IL1RAPL1: variants seen among roughly 807,000 people sequenced by gnomAD.
IL1RAPL1 encodes interleukin-1 receptor accessory protein-like 1.
IL1RAPL1 carries 3 observed loss-of-function variants against 48.4 expected under a neutral mutation model. That is an observed-to-expected ratio of 0.06 (90% CI 0.03 to 0.16). IL1RAPL1 has a LOEUF of 0.16. Among genes scored for constraint, IL1RAPL1 ranks in the 10% least tolerant of loss-of-function variants. The pLI, the probability that IL1RAPL1 is intolerant of heterozygous loss-of-function variation, is 1.00. For synonymous variants in IL1RAPL1, 185 were observed against 187.7 expected, an observed-to-expected ratio of 0.99 and a Z score of 0.12; for missense variants, 349 against 530.6, an observed-to-expected ratio of 0.66 and a Z score of 3.36.
intron 3 of IL1RAPL1, among the ~76,000 whole-genome samples, chrX:29,311,392 T>C (rs1225832493): frequency 8.9e-6 from 1 of 111,968 alleles, no homozygotes; most frequent in African/African-American, 3.2e-5. Flanking sequence ...TACCAGGGCT[T>C]TCCAAAGATC....
intron 6 of IL1RAPL1, among the ~76,000 whole-genome samples, chrX:29,796,906 G>A (rs762963262): frequency 1.8e-5 from 2 of 112,326 alleles, no homozygotes; most frequent in Non-Finnish European, 3.8e-5. Context: ...AGGCTTAGGA[G>A]CTTTGCACTC....
At chrX:29,745,343 A>G (rs1928303088) in intron 6 of IL1RAPL1, among the ~76,000 whole-genome samples, 1 of 109,594 alleles carries the variant, frequency 9.1e-6, no homozygotes, top group African/African-American at 3.3e-5. Context: ...AGTACCTGAC[A>G]GTAATAAAAT....
At chrX:28,706,750 A>G (rs927527718) in intron 1 of IL1RAPL1, among the ~76,000 whole-genome samples, 3 of 111,538 alleles carry the variant, frequency 2.7e-5, no homozygotes. Context: ...CCCCATCAGT[A>G]AGCAACATGT....
chrX:29,332,066 AATT>A (rs938480201), intron 3 of IL1RAPL1, among the ~76,000 whole-genome samples: 7 of 92,902 alleles, frequency 7.5e-5, no homozygotes, highest in African/African-American at 2.7e-4. Context: ...AAATGTCACA[AATT>A]ATTTTTGAAA....
chrX:29,717,275 A>G (rs932706714), intron 6 of IL1RAPL1, among the ~76,000 whole-genome samples: 6 of 109,998 alleles, frequency 5.5e-5, no homozygotes, highest in Non-Finnish European at 9.5e-5. Flanking sequence ...TCCTTGCAGT[A>G]AAGTCTGTCC....
intron 3 of IL1RAPL1, among the ~76,000 whole-genome samples, chrX:29,317,705 G>A (rs1236410233): frequency 8.9e-6 from 1 of 112,241 alleles, no homozygotes; most frequent in African/African-American, 3.2e-5. Context: ...TATGTCTTCT[G>A]GGAAGGTGGA....
At chrX:28,649,747 T>C (rs1279334153) in intron 1 of IL1RAPL1, among the ~76,000 whole-genome samples, 1 of 112,128 alleles carries the variant, frequency 8.9e-6, no homozygotes, top group Non-Finnish European at 1.9e-5. Context: ...TGGTGTTGAG[T>C]CACTTCAGGG....
intron 2 of IL1RAPL1, among the ~76,000 whole-genome samples, chrX:28,801,649 G>A (rs764380388): frequency 3.0e-4 from 33 of 111,530 alleles, no homozygotes; most frequent in Non-Finnish European, 3.8e-4. Flanking sequence ...AATCTGATGA[G>A]TATTATATTA....
At chrX:29,374,740 C>CA in intron 3 of IL1RAPL1, among the ~76,000 whole-genome samples, 1 of 109,094 alleles carries the variant, frequency 9.2e-6, no homozygotes. Flanking sequence ...GGGGTACCTA[C>CA]AGGGTTCTGC....
chrX:29,094,531 G>C (rs1928161733), intron 2 of IL1RAPL1, among the ~76,000 whole-genome samples: 1 of 103,988 alleles, frequency 9.6e-6, no homozygotes, highest in Non-Finnish European at 2.0e-5. Flanking sequence ...GCTGAGGTGG[G>C]TGGATCAACT....
In IL1RAPL1 at chrX:29,081,016, CTCTCTTTCT is replaced by C. The variant is rs1164890101; in HGVS notation, c.83-201920_83-201912del. On this transcript the variant is annotated intron_variant, in intron 2 of 10. Transcript: ENST00000378993. ...TCTTTCTCTCTCTCTCTCTCTCTCTCTCTCTTTCTTTTCTTTTCTTTTCTTTTCTTTTCT... is the reference window on the plus strand; with the variant it reads ...TCTTTCTCTCTCTCTCTCTCTCTCTCTTTCTTTTCTTTTCTTTTCTTTTCT... 7.5e-3 allele frequency among the ~76,000 whole-genome samples: 408 copies of C among 54,346 alleles called. 5 individuals carry two copies. Among genetic ancestry groups the C allele is most frequent in the Non-Finnish European group, 0.011 (322 of 28,926 alleles). 47.2% of individuals were successfully genotyped at this position (54,346 alleles called of 115,157 possible).
chrX:29,496,469 CTT>C (rs60141942), intron 5 of IL1RAPL1, among the ~76,000 whole-genome samples: 1,207 of 73,217 alleles, frequency 0.016, 22 homozygotes, highest in African/African-American at 0.06. Flanking sequence ...TTTCTTATTC[CTT>C]TTTTTTTTTT....
chrX:29,855,787 C>G (rs1219121813), intron 6 of IL1RAPL1, among the ~76,000 whole-genome samples: 3 of 109,323 alleles, frequency 2.7e-5, no homozygotes, highest in African/African-American at 1.0e-4. Context: ...CTACCATATT[C>G]ACCTATGCCT....
intron 3 of IL1RAPL1, among the ~76,000 whole-genome samples, chrX:29,364,748 A>G (rs980539547): frequency 9.0e-6 from 1 of 110,902 alleles, no homozygotes; most frequent in South Asian, 3.8e-4. Flanking sequence ...GAAATTACTT[A>G]AAGTATACAG....
intron 3 of IL1RAPL1, among the ~76,000 whole-genome samples, chrX:29,382,250 T>G (rs1933721015): frequency 8.9e-6 from 1 of 112,032 alleles, no homozygotes; most frequent in Non-Finnish European, 1.9e-5. Flanking sequence ...TGGGTTAAAC[T>G]GCAATAATAC....
intron 2 of IL1RAPL1, among the ~76,000 whole-genome samples, chrX:28,970,490 A>G (rs1395165957): frequency 8.9e-6 from 1 of 112,153 alleles, no homozygotes; most frequent in East Asian, 2.8e-4. Flanking sequence ...ATCATACTAG[A>G]AGAAATAAGT....
At chrX:29,336,269 C>CATATATATATATATAT (rs57126796) in intron 3 of IL1RAPL1, among the ~76,000 whole-genome samples, 976 of 57,389 alleles carry the variant, frequency 0.017, 49 homozygotes, top group Non-Finnish European at 0.018. Context: ...ATATATATGC[C>CATATATATATATATAT]ATATATATAT....
rs35193739 is a variant in IL1RAPL1, at chrX:29,255,123, TTG to T, written c.83-27798_83-27797del. Among the ~76,000 whole-genome samples the T allele has an allele frequency of 4.7e-3, 457 of 97,032 alleles. 3 individuals carry two copies. The highest frequency in any genetic ancestry group is 0.021 in the East Asian group (59 of 2,803). The allele number at this position is 97,032 out of a possible 115,157, so 84.3% of individuals were successfully genotyped here. A position where few individuals can be genotyped will look rare whatever the true frequency, so the allele number is the denominator to read the frequency against. ...TTTGAGTTTTTAGTAACTAAGGTAT[TTG>T]TGTGTGTGTGTGTGTGCGTGTGTGT... is the stretch of plus-strand genomic sequence containing the variant. On this transcript the variant is annotated intron_variant, in intron 2 of 10. Coordinates refer to ENST00000378993, the MANE Select transcript of IL1RAPL1 (RefSeq NM_014271.4).
At chrX:29,740,965 TTCTGGATGAGTAATG>T (rs76334139) in intron 6 of IL1RAPL1, among the ~76,000 whole-genome samples, 2,062 of 112,251 alleles carry the variant, frequency 0.018, 18 homozygotes, top group Non-Finnish European at 0.029. Flanking sequence ...TCTGTTGTTA[TTCTGGATGAGTAATG>T]GCAGGACAAC....
Sources: allele counts gnomAD v4.1 joint callset (sites outside exome capture counted in the v4.1 genomes callset), GRCh38; gene constraint gnomAD v4.1.1; transcripts MANE v1.5; gene names NCBI Gene and HGNC (gene_info 2026-07-23, HGNC 2026-07-21).